LARGE1: variants seen among roughly 807,000 people sequenced by gnomAD.
The protein encoded by LARGE1 is LARGE xylosyl- and glucuronyltransferase 1.
Under a neutral mutation model 87.6 loss-of-function variants are expected in LARGE1, and 43 were observed. The observed-to-expected ratio is 0.49, with a 90% confidence interval of 0.38 to 0.63. The LOEUF is 0.63. Ranked by LOEUF, LARGE1 falls within the 30% of genes least tolerant of loss-of-function variation. LARGE1 has a pLI of 0.00. For synonymous variants in LARGE1, 434 were observed against 394.6 expected (o/e 1.10, Z -1.18); for missense variants, 802 against 1,000.2 (o/e 0.80, Z 2.67).
At chr22:33,755,652 C>T (rs927128005) in intron 2 of LARGE1, among the ~76,000 whole-genome samples, 6 of 152,164 alleles carry the variant, frequency 3.9e-5, no homozygotes, top group African/African-American at 1.2e-4. Flanking sequence ...ATTAACATCA[C>T]GACCAAATGA....
Position 33,277,040 on chromosome 22 carries a change from G to T in LARGE1, c.2073+20C>A. On this transcript the variant is annotated intron_variant, in intron 14 of 14. Coordinates refer to ENST00000397394, the MANE Select transcript of LARGE1 (RefSeq NM_133642.5). ...CTCTCCCCCGTCGACCATACCAGGT[G>T]GATGCTCCGTTCTTCTCACCTGCAC... is the stretch of plus-strand genomic sequence containing the variant. 6.2e-7 allele frequency: 1 copy of T among 1,612,750 alleles called. No homozygotes were observed. Among genetic ancestry groups the T allele is most frequent in the Non-Finnish European group, 8.5e-7 (1 of 1,178,744 alleles).
the LARGE1 span, among the ~76,000 whole-genome samples, chr22:33,154,092 A>G: frequency 6.6e-6 from 1 of 151,958 alleles, no homozygotes; most frequent in East Asian, 1.9e-4. Context: ...TTTATCTGTT[A>G]TAATTGTTTA....
At chr22:33,113,902 G>A in the LARGE1 span, among the ~76,000 whole-genome samples, 2 of 147,922 alleles carry the variant, frequency 1.4e-5, no homozygotes, top group African/African-American at 2.5e-5. Flanking sequence ...ACGGAGTCTC[G>A]CTCTATCGCC....
intron 11 of LARGE1, among the ~76,000 whole-genome samples, chr22:33,224,855 T>C (rs547576089): frequency 1.4e-3 from 213 of 152,340 alleles, no homozygotes; most frequent in Admixed American, 2.0e-3. Flanking sequence ...GCCAGGCCTG[T>C]CAGCCAGAGG....
At chr22:33,536,423 T>C (rs2077044997) in intron 6 of LARGE1, among the ~76,000 whole-genome samples, 1 of 152,230 alleles carries the variant, frequency 6.6e-6, no homozygotes, top group Non-Finnish European at 1.5e-5. Context: ...TAATCAGTTA[T>C]CAATTAATTA....
intron 11 of LARGE1, among the ~76,000 whole-genome samples, chr22:33,198,060 A>T (rs572250968): frequency 6.6e-6 from 1 of 152,204 alleles, no homozygotes; most frequent in South Asian, 2.1e-4. Context: ...AGCTCAAACC[A>T]CATGTGCATA....
chr22:33,164,763 C>G lies in LARGE1; in HGVS notation c.*2000G>C, dbSNP rs991005716. ...AAACTCCTGACCTCAGATGATCCACCTGCCATGGCCTCCCAAAGTGCTGGT... is the reference window on the plus strand; with the variant it reads ...AAACTCCTGACCTCAGATGATCCACGTGCCATGGCCTCCCAAAGTGCTGGT... On this transcript the variant is annotated 3_prime_UTR_variant, in exon 12 of 12. Transcript: ENST00000608642. 9 of 152,186 alleles carry G rather than the reference C, an allele frequency of 5.9e-5. No homozygotes were observed. In the East Asian group the frequency reaches 1.5e-3, roughly 26 times the overall value. The allele number at this position is 152,186 out of a possible 1,614,324, so 9.4% of individuals were successfully genotyped here. A position where few individuals can be genotyped will look rare whatever the true frequency, so the allele number is the denominator to read the frequency against.
intron 6 of LARGE1, among the ~76,000 whole-genome samples, chr22:33,475,136 G>A (rs576776289): frequency 2.6e-5 from 4 of 152,188 alleles, no homozygotes; most frequent in African/African-American, 9.6e-5. Context: ...AATATGAGGG[G>A]TTTAGAAGCT....
At chr22:33,724,483 C>T (rs2083205832) in intron 2 of LARGE1, among the ~76,000 whole-genome samples, 1 of 152,136 alleles carries the variant, frequency 6.6e-6, no homozygotes, top group Admixed American at 6.5e-5. Context: ...TAAGGGTCAC[C>T]TTCGTGCCCT....
At chr22:33,525,297 C>T (rs2071831782) in intron 6 of LARGE1, among the ~76,000 whole-genome samples, 1 of 152,138 alleles carries the variant, frequency 6.6e-6, no homozygotes, top group South Asian at 2.1e-4. Context: ...GCTGCAAATT[C>T]CACTACCACC....
chr22:33,817,990 T>C (rs1039736473), intron 1 of LARGE1, among the ~76,000 whole-genome samples: 1 of 152,078 alleles, frequency 6.6e-6, no homozygotes, highest in African/African-American at 2.4e-5. Context: ...CTTCACACTG[T>C]GGAGGAAGGG....
intron 7 of LARGE1, among the ~76,000 whole-genome samples, chr22:33,392,863 C>T (rs1346636090): frequency 6.6e-6 from 1 of 152,062 alleles, no homozygotes; most frequent in Admixed American, 6.6e-5. Context: ...TCAAAATTCC[C>T]GTGAGTGTGA....
chr22:33,575,579 T>C (rs1303530495), intron 5 of LARGE1, among the ~76,000 whole-genome samples: 1 of 152,200 alleles, frequency 6.6e-6, no homozygotes, highest in African/African-American at 2.4e-5. Context: ...GAAGGAAATG[T>C]TGAGAGAGCC....
intron 9 of LARGE1, among the ~76,000 whole-genome samples, chr22:33,360,439 A>G (rs1386113139): frequency 6.7e-6 from 1 of 149,740 alleles, no homozygotes; most frequent in Non-Finnish European, 1.5e-5. Flanking sequence ...GGAAACTTAC[A>G]ATCATGGCAG....
chr22:33,537,465 C>T (rs2077073951), intron 6 of LARGE1, among the ~76,000 whole-genome samples: 2 of 152,194 alleles, frequency 1.3e-5, no homozygotes, highest in Non-Finnish European at 1.5e-5. Context: ...CAAGAACACT[C>T]ATTCTATTTG....
intron 11 of LARGE1, among the ~76,000 whole-genome samples, chr22:33,311,746 C>T (rs1470562992): frequency 6.6e-6 from 1 of 152,120 alleles, no homozygotes; most frequent in Non-Finnish European, 1.5e-5. Flanking sequence ...TGTGCACATG[C>T]CTTCGTAAGG....
chr22:33,835,787 T>C (rs2063093604), intron 1 of LARGE1, among the ~76,000 whole-genome samples: 1 of 152,196 alleles, frequency 6.6e-6, no homozygotes, highest in Admixed American at 6.5e-5. Flanking sequence ...AAATCGAGCA[T>C]GTGAGGTCTG....
At chr22:33,526,989 G>A (rs556706407) in intron 6 of LARGE1, among the ~76,000 whole-genome samples, 2 of 152,344 alleles carry the variant, frequency 1.3e-5, no homozygotes, top group East Asian at 1.9e-4. Flanking sequence ...GGGTGCAGTG[G>A]CACACGCCTG....
intron 2 of LARGE1, among the ~76,000 whole-genome samples, chr22:33,673,643 T>C: frequency 6.6e-6 from 1 of 152,204 alleles, no homozygotes; most frequent in East Asian, 1.9e-4. Flanking sequence ...TCCAGAACTT[T>C]TTCATCTTGT....
Sources: allele counts gnomAD v4.1 joint callset (sites outside exome capture counted in the v4.1 genomes callset), GRCh38; gene constraint gnomAD v4.1.1; transcripts MANE v1.5; gene names NCBI Gene and HGNC (gene_info 2026-07-23, HGNC 2026-07-21).